The following CACNA2D1 variants were observed in gnomAD, a reference collection of about 807,000 sequenced individuals.
CACNA2D1 encodes the protein voltage-dependent calcium channel subunit alpha-2/delta-1.
A neutral mutation model predicts 171.5 loss-of-function variants in CACNA2D1; 53 were observed. The ratio of observed to expected loss-of-function variants is 0.31; its 90% CI spans 0.25 to 0.39. CACNA2D1 has a LOEUF of 0.39. CACNA2D1 is among the 10% of genes least tolerant of loss of function. CACNA2D1 has a pLI of 1.00. For missense variants in CACNA2D1, 903 were observed against 1,299.8 expected (o/e 0.69, Z 4.69); for synonymous variants, 442 against 443.1 (o/e 1.00, Z 0.03).
chr7:82,188,156 T>A (rs187121446), intron 3 of CACNA2D1, among the ~76,000 whole-genome samples: 1 of 152,120 alleles, frequency 6.6e-6, no homozygotes, highest in African/African-American at 2.4e-5. Context: ...CCCCACTTTC[T>A]AGTATCATTG....
At chr7:81,974,612 A>C in intron 24 of CACNA2D1, 60 bp from the exon 25 acceptor site, 1 of 877,086 alleles carries the variant, frequency 1.1e-6, no homozygotes, top group Non-Finnish European at 1.8e-6. Context: ...AGGGTAATTA[A>C]AGGTAGTGAA....
intron 3 of CACNA2D1, among the ~76,000 whole-genome samples, chr7:82,176,410 A>G (rs1796545187): frequency 6.6e-6 from 1 of 152,042 alleles, no homozygotes; most frequent in Non-Finnish European, 1.5e-5. Flanking sequence ...GTTATATCCT[A>G]GTGAACAAGG....
intron 7 of CACNA2D1, among the ~76,000 whole-genome samples, chr7:82,069,590 G>A (rs1369967540): frequency 3.3e-5 from 5 of 152,110 alleles, no homozygotes; most frequent in South Asian, 2.1e-4. Flanking sequence ...ATTTAAGCAG[G>A]TATTTACTTG....
At chr7:82,007,571 A>G (rs190020015) in intron 16 of CACNA2D1, 108 bp downstream of exon 16, 493 of 710,014 alleles carry the variant, frequency 6.9e-4, no homozygotes, top group Non-Finnish European at 1.1e-3. Context: ...TGGCCTCACA[A>G]GACAATTACA....
intron 6 of CACNA2D1, among the ~76,000 whole-genome samples, chr7:82,088,079 G>GT (rs913607973): frequency 1.1e-4 from 17 of 151,948 alleles, no homozygotes; most frequent in South Asian, 4.2e-4. Flanking sequence ...TATTTAGGAA[G>GT]TTTTTTTTGT....
Position 82,421,665 on chromosome 7 carries a change from T to C in CACNA2D1, c.95+21700A>G, listed in dbSNP as rs28430470. Among the ~76,000 whole-genome samples the C allele has an allele frequency of 2.9e-3, 435 of 152,302 alleles. 2 individuals are homozygous for C. Among genetic ancestry groups the C allele is most frequent in the African/African-American group, 9.3e-3 (388 of 41,570 alleles). On this transcript the variant is annotated intron_variant, in intron 1 of 38. Transcript: ENST00000356860. ...AGCCACATTTCATCACAGTTGATGATTGCCTCCTGCACTATGAAGAATGCT... is the reference window on the plus strand; with the variant it reads ...AGCCACATTTCATCACAGTTGATGACTGCCTCCTGCACTATGAAGAATGCT...
chr7:82,425,137 CA>C (rs1829060228), intron 1 of CACNA2D1, among the ~76,000 whole-genome samples: 1 of 151,902 alleles, frequency 6.6e-6, no homozygotes, highest in Non-Finnish European at 1.5e-5. Flanking sequence ...TTCAATGAAT[CA>C]AAAAAGGGAG....
At chr7:82,418,497 T>C (rs991723043) in intron 1 of CACNA2D1, among the ~76,000 whole-genome samples, 2 of 152,124 alleles carry the variant, frequency 1.3e-5, no homozygotes, top group Non-Finnish European at 2.9e-5. Flanking sequence ...TTTGATAGAA[T>C]AAAGCAAAAG....
At chr7:82,099,419 CTTCTTTTTTTTTTTTTTTTTTTTTTTTT>C (rs1460652411) in intron 6 of CACNA2D1, among the ~76,000 whole-genome samples, 12 of 50,530 alleles carry the variant, frequency 2.4e-4, no homozygotes, top group East Asian at 1.1e-3. Flanking sequence ...GTAGCAATAC[CTTCTTTTTTTTTTTTTTTTTTTTTTTTT>C]TTTTTTTTTT....
intron 7 of CACNA2D1, among the ~76,000 whole-genome samples, chr7:82,075,703 A>T (rs1808879354): frequency 6.6e-6 from 1 of 152,040 alleles, no homozygotes; most frequent in Admixed American, 6.6e-5. Context: ...AGATTTCTTT[A>T]AAAGTTTATA....
At chr7:82,007,818 C>T (rs1799288268) in intron 15 of CACNA2D1, 62 bp from the exon 16 acceptor site, 1 of 945,858 alleles carries the variant, frequency 1.1e-6, no homozygotes, top group African/African-American at 1.6e-5. Context: ...TGTCAGAGTG[C>T]ACTAACCTTT....
intron 3 of CACNA2D1, among the ~76,000 whole-genome samples, chr7:82,205,717 T>C (rs966829091): frequency 5.9e-5 from 9 of 152,138 alleles, no homozygotes; most frequent in Non-Finnish European, 8.8e-5. Flanking sequence ...GATTTTGCTA[T>C]TTACGTTTTC....
intron 4 of CACNA2D1, among the ~76,000 whole-genome samples, chr7:82,170,213 A>C (rs907807820): frequency 6.6e-6 from 1 of 151,948 alleles, no homozygotes; most frequent in African/African-American, 2.4e-5. Flanking sequence ...GTATATTCAT[A>C]ATATCGACAA....
At chr7:82,410,988 T>C (rs1263333377) in intron 1 of CACNA2D1, among the ~76,000 whole-genome samples, 1 of 152,258 alleles carries the variant, frequency 6.6e-6, no homozygotes, top group Non-Finnish European at 1.5e-5. Flanking sequence ...AGATATTTTT[T>C]CACATGTATT....
At chr7:82,281,905 G>A (rs1585324078) in intron 3 of CACNA2D1, among the ~76,000 whole-genome samples, 1 of 152,010 alleles carries the variant, frequency 6.6e-6, no homozygotes, top group South Asian at 2.1e-4. Flanking sequence ...TTTCATGATA[G>A]CAATTTTGAA....
intron 3 of CACNA2D1, among the ~76,000 whole-genome samples, chr7:82,196,039 T>TA: frequency 1.4e-5 from 2 of 144,224 alleles, no homozygotes; most frequent in Middle Eastern, 6.8e-3. Context: ...AGCCTGTCCA[T>TA]AAAATCTGGA....
intron 33 of CACNA2D1, 26 bp downstream of exon 33, chr7:81,964,181 T>C (rs767702491): frequency 5.6e-6 from 9 of 1,612,538 alleles, no homozygotes; most frequent in South Asian, 5.5e-5. Context: ...CCCTTGAGAA[T>C]TGATTAGACC....
intron 12 of CACNA2D1, among the ~76,000 whole-genome samples, chr7:82,027,253 A>C (rs1179426810): frequency 1.3e-5 from 2 of 151,712 alleles, no homozygotes; most frequent in African/African-American, 4.8e-5. Context: ...TCAATTTTCC[A>C]TGATGTAATG....
At chr7:81,970,783 T>TA (rs1364709428) in intron 26 of CACNA2D1, 46 bp from the exon 27 acceptor site, 2 of 1,184,252 alleles carry the variant, frequency 1.7e-6, no homozygotes, top group South Asian at 1.2e-5. Context: ...GAACATATTC[T>TA]AAAAAACAAA....
Sources: allele counts gnomAD v4.1 joint callset (sites outside exome capture counted in the v4.1 genomes callset), GRCh38; gene constraint gnomAD v4.1.1; transcripts MANE v1.5; gene names NCBI Gene and HGNC (gene_info 2026-07-23, HGNC 2026-07-21).